The following WWOX variants were observed in gnomAD, a reference collection of about 807,000 sequenced individuals.
WWOX encodes WW domain-containing oxidoreductase.
In WWOX, 69 loss-of-function variants were observed where a neutral mutation model predicts 46.2. The observed-to-expected ratio is 1.49, with a 90% CI of 1.23 to 1.82. The LOEUF (loss-of-function observed/expected upper bound fraction) is 1.82. Among genes scored for constraint, WWOX ranks in the 40% most tolerant of loss-of-function variants. The pLI is 0.00. For synonymous variants in WWOX, 359 were observed against 202.6 expected (o/e 1.77, Z -6.56); for missense variants, 919 against 542.6 (o/e 1.69, Z -6.89).
Position 78,341,331 on chromosome 16 carries a change from A to G in WWOX, c.517-45529A>G, listed in dbSNP as rs144472159. Among the ~76,000 whole-genome samples, 753 of 120,388 alleles carry G rather than the reference A, an allele frequency of 6.3e-3. 226 individuals carry two copies. The highest frequency in any genetic ancestry group is 0.012 in the Middle Eastern group (3 of 244). 79.0% of individuals were successfully genotyped at this position (120,388 alleles called of 152,430 possible). On this transcript the variant is annotated intron_variant, in intron 5 of 8. Transcript: ENST00000566780. Reference sequence around the variant, plus strand: ...CAACTTTAAATTTTTATATTGAATAATCTTTGATTTGTATTGTCATGTTGT... The same window carrying G: ...CAACTTTAAATTTTTATATTGAATAGTCTTTGATTTGTATTGTCATGTTGT...
chr16:79,206,886 T>TAA (rs2051530651), intron 8 of WWOX: 1 of 152,244 alleles, frequency 6.6e-6, no homozygotes, highest in African/African-American at 2.4e-5. Context: ...ATGTGTCCCC[T>TAA]AAAAGATTGC....
intron 8 of WWOX, among the ~76,000 whole-genome samples, chr16:78,503,320 C>T (rs1473422245): frequency 6.6e-6 from 1 of 152,044 alleles, no homozygotes; most frequent in Non-Finnish European, 1.5e-5. Flanking sequence ...ACCCTCAGGT[C>T]TACCTATAAG....
chr16:78,196,365 A>G (rs1413343623), intron 5 of WWOX, among the ~76,000 whole-genome samples: 1 of 152,180 alleles, frequency 6.6e-6, no homozygotes, highest in Non-Finnish European at 1.5e-5. Flanking sequence ...TCCCTGAAGG[A>G]CATATAAAAG....
At chr16:79,011,135 CCACACACACACACACACA>C (rs10611855) in intron 8 of WWOX, among the ~76,000 whole-genome samples, 41 of 146,210 alleles carry the variant, frequency 2.8e-4, no homozygotes, top group Admixed American at 8.2e-4. Context: ...ACTCACACAT[CCACACACACACACACACA>C]CACACACACA....
At chr16:78,476,544 AT>A (rs2084352660) in intron 8 of WWOX, among the ~76,000 whole-genome samples, 1 of 152,090 alleles carries the variant, frequency 6.6e-6, no homozygotes, top group South Asian at 2.1e-4. Flanking sequence ...AACACAGCAC[AT>A]GTCTACATAT....
At chr16:78,460,653 T>C (rs2083927545) in intron 8 of WWOX, among the ~76,000 whole-genome samples, 1 of 152,324 alleles carries the variant, frequency 6.6e-6, no homozygotes, top group South Asian at 2.1e-4. Context: ...GGCAGACGTG[T>C]CCAATGACCT....
intron 8 of WWOX, among the ~76,000 whole-genome samples, chr16:79,114,968 T>A (rs7185485): frequency 6.6e-6 from 1 of 152,152 alleles, no homozygotes; most frequent in African/African-American, 2.4e-5. Flanking sequence ...AGTTAGACAA[T>A]TAGCTCGCCC....
At chr16:78,788,860 C>T (rs547755302) in intron 8 of WWOX, among the ~76,000 whole-genome samples, 14 of 152,306 alleles carry the variant, frequency 9.2e-5, no homozygotes, top group African/African-American at 3.1e-4. Context: ...ACTAACTCCA[C>T]GTAGACAGTG....
rs556830665 is a variant in WWOX, at chr16:78,795,808, T to C, written c.1056+363056T>C. Among the ~76,000 whole-genome samples, 26 of 152,278 alleles carry C rather than the reference T, an allele frequency of 1.7e-4. No individual in the cohort carries two copies. In the South Asian group the frequency reaches 4.8e-3, roughly 28 times the overall value. Reference sequence around the variant, plus strand: ...ATGTCCTTGAGGATGGAATGAGATATTGAGTATAAAGTATCTAGTAGAGTG... The same window carrying C: ...ATGTCCTTGAGGATGGAATGAGATACTGAGTATAAAGTATCTAGTAGAGTG... On this transcript the variant is annotated intron_variant, in intron 8 of 8. Transcript: ENST00000566780.
intron 8 of WWOX, among the ~76,000 whole-genome samples, chr16:78,634,819 A>AGG (rs2046525899): frequency 9.7e-6 from 1 of 103,110 alleles, no homozygotes; most frequent in Non-Finnish European, 2.0e-5. Context: ...CTGGAGAGAG[A>AGG]GAGAGAGAGA....
intron 8 of WWOX, among the ~76,000 whole-genome samples, chr16:79,179,919 G>A (rs1243611894): frequency 1.3e-5 from 2 of 152,160 alleles, no homozygotes; most frequent in Non-Finnish European, 2.9e-5. Flanking sequence ...GATGTGAAGT[G>A]ACTTGTCCAA....
chr16:78,371,558 C>T (rs796919734), intron 5 of WWOX, among the ~76,000 whole-genome samples: 1 of 152,182 alleles, frequency 6.6e-6, no homozygotes, highest in African/African-American at 2.4e-5. Context: ...AATGGTTAAT[C>T]TCTTCTACTA....
chr16:78,352,141 T>A (rs13339096), intron 5 of WWOX, among the ~76,000 whole-genome samples: 1 of 152,126 alleles, frequency 6.6e-6, no homozygotes, highest in African/African-American at 2.4e-5. Flanking sequence ...ATTGTGAAAA[T>A]GTGAGCATAT....
chr16:78,802,816 T>C (rs7405312), intron 8 of WWOX, among the ~76,000 whole-genome samples: 66,507 of 148,190 alleles, frequency 0.45, 16,306 homozygotes, highest in Middle Eastern at 0.65. Context: ...CATGGGAGGC[T>C]GAAGCAGGAG....
intron 8 of WWOX, among the ~76,000 whole-genome samples, chr16:78,516,571 A>C (rs1169616785): frequency 1.3e-5 from 2 of 152,186 alleles, no homozygotes; most frequent in Admixed American, 1.3e-4. Context: ...AATATCATGC[A>C]TACTTGGCCT....
At chr16:78,225,987 G>T (rs2037041381) in intron 5 of WWOX, among the ~76,000 whole-genome samples, 1 of 151,956 alleles carries the variant, frequency 6.6e-6, no homozygotes, top group Non-Finnish European at 1.5e-5. Context: ...TTCTAATACT[G>T]CTATTCCTTT....
intron 8 of WWOX, among the ~76,000 whole-genome samples, chr16:79,180,689 C>A (rs574969173): frequency 2.6e-5 from 4 of 152,156 alleles, no homozygotes; most frequent in Admixed American, 2.6e-4. Flanking sequence ...TTTCTCCCTC[C>A]CTCCCTCCAT....
chr16:79,068,741 G>A (rs965186716), intron 8 of WWOX, among the ~76,000 whole-genome samples: 1 of 151,524 alleles, frequency 6.6e-6, no homozygotes, highest in Non-Finnish European at 1.5e-5. Flanking sequence ...AGCCCAGGAG[G>A]CCAAGGCTGC....
At chr16:78,418,233 G>A (rs956901943) in intron 6 of WWOX, among the ~76,000 whole-genome samples, 9 of 151,906 alleles carry the variant, frequency 5.9e-5, no homozygotes, top group African/African-American at 1.9e-4. Flanking sequence ...GCGTGGTGGC[G>A]GGCACCTGTA....
Sources: allele counts gnomAD v4.1 joint callset (sites outside exome capture counted in the v4.1 genomes callset), GRCh38; gene constraint gnomAD v4.1.1; transcripts MANE v1.5; gene names NCBI Gene and HGNC (gene_info 2026-07-23, HGNC 2026-07-21).